ADARB2: variants seen among roughly 807,000 people sequenced by gnomAD.
ADARB2 encodes the protein adenosine deaminase RNA specific B2 (inactive).
Under a neutral mutation model 62.2 loss-of-function variants are expected in ADARB2, and 25 were observed. The observed-to-expected ratio is 0.40, with a 90% CI of 0.29 to 0.56. The LOEUF is 0.56. Among genes scored for constraint, ADARB2 ranks in the 20% least tolerant of loss-of-function variants. The pLI is 0.43. For missense variants in ADARB2, 1,071 were observed against 1,077.4 expected (o/e 0.99, Z 0.08); for synonymous variants, 572 against 500.8 (o/e 1.14, Z -1.90).
intron 1 of ADARB2, among the ~76,000 whole-genome samples, chr10:1,691,308 CT>C (rs1377764729): frequency 6.6e-6 from 1 of 152,170 alleles, no homozygotes; most frequent in Non-Finnish European, 1.5e-5. Context: ...TGACCTTGGA[CT>C]TCCAGCCTCC....
intron 3 of ADARB2, among the ~76,000 whole-genome samples, chr10:1,327,195 A>C (rs1434728211): frequency 9.8e-6 from 1 of 102,464 alleles, no homozygotes; most frequent in East Asian, 2.9e-4. Flanking sequence ...GCGCCTCCCC[A>C]AGGCACAGCG....
At chr10:1,191,982 T>C (rs1463963467) in intron 8 of ADARB2, among the ~76,000 whole-genome samples, 1 of 152,214 alleles carries the variant, frequency 6.6e-6, no homozygotes, top group Non-Finnish European at 1.5e-5. Flanking sequence ...ACATCACCAT[T>C]ACTAGGACCG....
At chr10:1,200,420 CT>C in intron 7 of ADARB2, 1 of 487,386 alleles carries the variant, frequency 2.1e-6, no homozygotes, top group Non-Finnish European at 3.6e-6. Flanking sequence ...CTGTTATGTT[CT>C]CTGTGGGACT....
At chr10:1,641,416 TA>T (rs1833976563) in intron 1 of ADARB2, among the ~76,000 whole-genome samples, 1 of 152,240 alleles carries the variant, frequency 6.6e-6, no homozygotes, top group Admixed American at 6.5e-5. Flanking sequence ...ATATCAGGTC[TA>T]AAAACCACAT....
intron 1 of ADARB2, among the ~76,000 whole-genome samples, chr10:1,462,223 C>T (rs946809023): frequency 5.3e-5 from 8 of 152,114 alleles, no homozygotes; most frequent in Admixed American, 2.0e-4. Context: ...TCGGCCACAG[C>T]TCAGGGCTCT....
chr10:1,296,063 G>T (rs528966273), intron 3 of ADARB2, among the ~76,000 whole-genome samples: 3 of 152,320 alleles, frequency 2.0e-5, no homozygotes, highest in African/African-American at 7.2e-5. Flanking sequence ...ACTCCCTTTG[G>T]ATCAGCCCCT....
Position 1,233,754 on chromosome 10 carries a change from C to T in ADARB2, c.1453G>A (p.Val485Met), listed in dbSNP as rs765487943. The change falls in exon 6 of 10, where the codon GTG becomes ATG. Residue 485 changes from valine to methionine, a missense_variant. By Grantham distance (21) the Val-to-Met change is conservative (BLOSUM62 1). Coordinates refer to ENST00000381312, the MANE Select transcript of ADARB2 (RefSeq NM_018702.4). ...GCGTCTCCACAGGGGGAGGTGCTCA[C>T]GTAGAGATGGAAGAGGATGTTCTCT... is the stretch of plus-strand genomic sequence containing the variant. ...LRENILFHLY[V>M]STSPCGDARL... is the part of the protein sequence containing the mutation. 39 of 1,613,772 alleles carry T rather than the reference C, an allele frequency of 2.4e-5. No individual in the cohort carries two copies. Among genetic ancestry groups the T allele is most frequent in the African/African-American group, 5.3e-5 (4 of 74,830 alleles).
intron 8 of ADARB2, among the ~76,000 whole-genome samples, chr10:1,190,996 A>C (rs1836835036): frequency 6.6e-6 from 1 of 152,072 alleles, no homozygotes; most frequent in Non-Finnish European, 1.5e-5. Flanking sequence ...ACTTCGCAGA[A>C]CAGGGGTTTG....
intron 1 of ADARB2, among the ~76,000 whole-genome samples, chr10:1,413,736 C>T (rs549976535): frequency 9.2e-5 from 14 of 152,226 alleles, no homozygotes; most frequent in South Asian, 4.2e-4. Flanking sequence ...ACAGACTGAG[C>T]GCTGATGATG....
At chr10:1,667,241 A>G (rs934737674) in intron 1 of ADARB2, among the ~76,000 whole-genome samples, 3 of 152,220 alleles carry the variant, frequency 2.0e-5, no homozygotes, top group African/African-American at 4.8e-5. Flanking sequence ...CGAGCTTACA[A>G]CTAGGATCTT....
chr10:1,303,682 G>T (rs186931360), intron 3 of ADARB2, among the ~76,000 whole-genome samples: 1 of 152,064 alleles, frequency 6.6e-6, no homozygotes, highest in Non-Finnish European at 1.5e-5. Flanking sequence ...CTGATCTCTC[G>T]GCAGAAACCC....
chr10:1,636,690 C>T (rs779180784), intron 1 of ADARB2, among the ~76,000 whole-genome samples: 13 of 150,374 alleles, frequency 8.6e-5, no homozygotes, highest in Non-Finnish European at 4.4e-5. Flanking sequence ...AGATAGATAT[C>T]TATCTATCTA....
intron 1 of ADARB2, among the ~76,000 whole-genome samples, chr10:1,414,063 G>A (rs910727507): frequency 1.3e-5 from 2 of 152,178 alleles, no homozygotes; most frequent in African/African-American, 4.8e-5. Context: ...AAGCCTCCCT[G>A]ATACTCCTTT....
intron 1 of ADARB2, among the ~76,000 whole-genome samples, chr10:1,407,775 C>T (rs111913510): frequency 3.9e-4 from 60 of 152,142 alleles, no homozygotes; most frequent in African/African-American, 1.2e-3. Context: ...AAGATTCTCC[C>T]GAGCATGTCC....
intron 3 of ADARB2, chr10:1,293,111 GAGAA>G (rs1209059129): frequency 9.8e-5 from 10 of 101,996 alleles, no homozygotes; most frequent in Non-Finnish European, 1.4e-4. Context: ...AGGGGGGAGA[GAGAA>G]AGAGAAAGGG....
intron 3 of ADARB2, chr10:1,290,554 A>T (rs1174495645): frequency 6.6e-6 from 1 of 152,168 alleles, no homozygotes; most frequent in Non-Finnish European, 1.5e-5. Context: ...TAGCTCCAAA[A>T]TCTGGGCTCC....
At chr10:1,271,133 A>G (rs1831258040) in intron 3 of ADARB2, 64 bp from the exon 4 acceptor site, 2 of 1,349,818 alleles carry the variant, frequency 1.5e-6, no homozygotes, top group African/African-American at 2.9e-5. Flanking sequence ...ATGATGGGGC[A>G]CTGTCCTCCC....
chr10:1,405,012 G>T lies in ADARB2; in HGVS notation c.101-25852C>A, dbSNP rs572014508. Among the ~76,000 whole-genome samples, 9 of 152,272 alleles carry T rather than the reference G, an allele frequency of 5.9e-5. No individual in the cohort carries two copies. The East Asian group carries it at 1.5e-3, about 26-fold the overall frequency. ...TCGATGCCTCCTACATACAATTCCC[G>T]GCGCCTGCGTGGAGGATCGTTGCGT... On this transcript the variant is annotated intron_variant, in intron 1 of 9. Coordinates refer to ENST00000381312, the MANE Select transcript of ADARB2 (RefSeq NM_018702.4).
intron 1 of ADARB2, among the ~76,000 whole-genome samples, chr10:1,707,238 G>A (rs1044788997): frequency 6.6e-6 from 1 of 152,216 alleles, no homozygotes; most frequent in Non-Finnish European, 1.5e-5. Context: ...CTGCCCATAG[G>A]CGCCTCCTTT....
Sources: gnomAD v4.1 joint callset for allele counts (sites outside exome capture counted in the v4.1 genomes callset) on GRCh38, gnomAD v4.1.1 for gene constraint, MANE v1.5 for transcripts, NCBI Gene and HGNC (gene_info 2026-07-23, HGNC 2026-07-21) for gene names.